Variants in SNHG17 observed in about 807,000 individuals in gnomAD.
SNHG17 encodes small nucleolar RNA host gene 17, also known as small nucleolar RNA host gene 17 (non-protein coding).
intron 5 of SNHG17, chr20:38,425,142 G>T (rs2084224844): frequency 2.0e-6 from 1 of 500,092 alleles, no homozygotes; most frequent in Admixed American, 2.0e-5. Context: ...GGTAAACAGG[G>T]GTCTGGCACG....
intron 3 of SNHG17, chr20:38,429,951 T>C (rs186996389): frequency 2.6e-6 from 1 of 380,902 alleles, no homozygotes; most frequent in Non-Finnish European, 5.0e-6. Context: ...AGAGATCACT[T>C]ACCACTCCCT....
At chr20:38,425,759 T>C (rs2084235537) in intron 5 of SNHG17, among the ~76,000 whole-genome samples, 1 of 152,160 alleles carries the variant, frequency 6.6e-6, no homozygotes, top group Admixed American at 6.5e-5. Context: ...AGGGATTGTG[T>C]GATACTATCC....
chr20:38,425,342 G>A, intron 5 of SNHG17: 1 of 518,824 alleles, frequency 1.9e-6, no homozygotes, highest in South Asian at 1.4e-5. Context: ...ACAAAATAGG[G>A]CAGTGAGTGA....
chr20:38,429,891 G>A (rs2084315107), intron 3 of SNHG17: 4 of 473,150 alleles, frequency 8.5e-6, no homozygotes, highest in Non-Finnish European at 1.6e-5. Context: ...AGCTGACAGG[G>A]CAATGAGCAG....
rs191005464 is a variant in SNHG17 at position 38,430,243 on chromosome 20, C to A, written n.380+798G>T. Among the ~76,000 whole-genome samples, 15 of 151,678 alleles carry A rather than the reference C, an allele frequency of 9.9e-5. No homozygotes were observed. The East Asian group carries it at 2.9e-3, about 29-fold the overall frequency. On this transcript the variant is annotated intron_variant and non_coding_transcript_variant, in intron 3 of 8. Transcript: ENST00000654008. ...GGATGAGGCAGGAGAATCATTTGAA[C>A]CCGGGAAGTGGAGGTTGCAGTGAGT... is the stretch of plus-strand genomic sequence containing the variant.
chr20:38,429,641 C>T, intron 3 of SNHG17: 1 of 474,694 alleles, frequency 2.1e-6, no homozygotes, highest in Non-Finnish European at 4.1e-6. Flanking sequence ...GCACCAGGAG[C>T]CATCTAAGAC....
At chr20:38,421,157 A>G (rs1351518329) in intron 6 of SNHG17, 1 of 152,354 alleles carries the variant, frequency 6.6e-6, no homozygotes, top group African/African-American at 2.4e-5. Context: ...CTCCTCCCCA[A>G]GCTGACACCA....
At chr20:38,423,550 TAAA>T (rs34484602) in intron 5 of SNHG17, among the ~76,000 whole-genome samples, 3 of 125,052 alleles carry the variant, frequency 2.4e-5, no homozygotes, top group Non-Finnish European at 1.7e-5. Flanking sequence ...TGTGCAATGT[TAAA>T]AAAAAAAAAA....
intron 3 of SNHG17, chr20:38,427,396 T>C (rs550056115): frequency 9.6e-6 from 5 of 518,584 alleles, no homozygotes; most frequent in Non-Finnish European, 1.5e-5. Context: ...CCCTGCACTA[T>C]CAATGACCTA....
chr20:38,430,628 T>C (rs984399914), intron 3 of SNHG17, among the ~76,000 whole-genome samples: 1 of 151,870 alleles, frequency 6.6e-6, no homozygotes, highest in African/African-American at 2.4e-5. Context: ...TCTCAAAAAA[T>C]AAATAAATAA....
intron 2 of SNHG17, chr20:38,431,948 A>T: frequency 1.0e-6 from 1 of 965,962 alleles, no homozygotes. Flanking sequence ...ACCTGCATGC[A>T]CCCACCCTTG....
intron 5 of SNHG17, among the ~76,000 whole-genome samples, chr20:38,423,794 C>T (rs2084199354): frequency 6.6e-6 from 1 of 152,140 alleles, no homozygotes. Flanking sequence ...ATCGGCTTCA[C>T]CATAGTAACC....
chr20:38,423,567 G>A (rs2084195674), intron 5 of SNHG17, among the ~76,000 whole-genome samples: 1 of 132,620 alleles, frequency 7.5e-6, no homozygotes. Context: ...AAAAAAAAAA[G>A]GTCAAGCATA....
intron 2 of SNHG17, chr20:38,431,197 G>A (rs576620021): frequency 1.3e-5 from 2 of 152,398 alleles, no homozygotes; most frequent in African/African-American, 4.8e-5. Flanking sequence ...TTCACCCACA[G>A]AAAACACACC....
chr20:38,427,538 C>G (rs995958494), intron 3 of SNHG17: 1 of 338,938 alleles, frequency 3.0e-6, no homozygotes, highest in Non-Finnish European at 6.0e-6. Context: ...CCTGCAGCTG[C>G]CATCTGTCCT....
At chr20:38,421,434 G>C (rs907963706) in intron 6 of SNHG17, 64 of 152,314 alleles carry the variant, frequency 4.2e-4, no homozygotes, top group African/African-American at 1.5e-3. Context: ...AGCAAAGCCC[G>C]TGATTCGCAG....
chr20:38,425,457 C>G lies in SNHG17; in HGVS notation n.579+478G>C, dbSNP rs182029357. The G allele has an allele frequency of 1.7e-5, 7 of 410,024 alleles. No individual in the cohort carries two copies. The Admixed American group carries it at 2.0e-4, about 12-fold the overall frequency. 25.4% of individuals were successfully genotyped at this position (410,024 alleles called of 1,614,324 possible). The stretch of plus-strand genomic sequence containing the variant: ...CAGCCTAGAATTGCAGCAGCTGCTT[C>G]TGATTCCCAAAGATTTCTAACATGG... On this transcript the variant is annotated intron_variant and non_coding_transcript_variant, in intron 5 of 8. Coordinates refer to ENST00000654008, the Ensembl canonical transcript of SNHG17.
chr20:38,423,173 G>C (rs972079935), intron 5 of SNHG17, among the ~76,000 whole-genome samples: 1 of 151,666 alleles, frequency 6.6e-6, no homozygotes, highest in African/African-American at 2.4e-5. Flanking sequence ...AAAGCAGAAG[G>C]ATGGTTTAAG....
intron 3 of SNHG17, among the ~76,000 whole-genome samples, chr20:38,430,605 G>C (rs905649408): frequency 6.6e-6 from 1 of 152,168 alleles, no homozygotes; most frequent in Non-Finnish European, 1.5e-5. Flanking sequence ...CTGGGCGACA[G>C]AGCAAGACTC....
Sources: gnomAD v4.1 joint callset for allele counts (sites outside exome capture counted in the v4.1 genomes callset) on GRCh38, gnomAD v4.1.1 for gene constraint, MANE v1.5 for transcripts, NCBI Gene and HGNC (gene_info 2026-07-23, HGNC 2026-07-21) for gene names.